The following ZNRF2 variants were observed in gnomAD, a reference collection of about 807,000 sequenced individuals.
ZNRF2 encodes zinc and ring finger 2, also known as E3 ubiquitin-protein ligase ZNRF2.
ZNRF2 carries 16 observed loss-of-function variants against 20.4 expected under a neutral mutation model. The ratio of observed to expected loss-of-function variants is 0.79; its 90% confidence interval spans 0.53 to 1.19. ZNRF2 has a LOEUF of 1.19. Among genes scored for constraint, ZNRF2 ranks in the 50% most tolerant of loss-of-function variants. The pLI, the probability that ZNRF2 is intolerant of heterozygous loss-of-function variation, is 0.00. For missense variants in ZNRF2, 363 were observed against 332.4 expected (o/e 1.09, Z -0.72); for synonymous variants, 178 against 144.9 (o/e 1.23, Z -1.64).
At chr7:30,323,523 G>A (rs1349167104) in intron 1 of ZNRF2, 119 bp from the exon 2 acceptor site, 6 of 601,230 alleles carry the variant, frequency 1.0e-5, no homozygotes, top group Non-Finnish European at 1.7e-5. Context: ...CACATAAACA[G>A]TGTAATGCAG....
chr7:30,288,116 CTCA>C (rs933232736), intron 1 of ZNRF2, among the ~76,000 whole-genome samples: 1 of 152,234 alleles, frequency 6.6e-6, no homozygotes, highest in African/African-American at 2.4e-5. Context: ...AAGCATGTTT[CTCA>C]TCATCTTGAG....
intron 2 of ZNRF2, among the ~76,000 whole-genome samples, chr7:30,335,556 CAT>C (rs199583544): frequency 7.2e-5 from 11 of 151,762 alleles, no homozygotes; most frequent in African/African-American, 2.2e-4. Context: ...TTATTATATA[CAT>C]ATATATATAC....
chr7:30,311,607 G>A (rs1020124981), intron 1 of ZNRF2, among the ~76,000 whole-genome samples: 1 of 152,190 alleles, frequency 6.6e-6, no homozygotes, highest in Non-Finnish European at 1.5e-5. Flanking sequence ...GGGTTCTAGG[G>A]TAGTTGTAGG....
chr7:30,330,777 A>G (rs1322049391), intron 2 of ZNRF2, among the ~76,000 whole-genome samples: 2 of 152,130 alleles, frequency 1.3e-5, no homozygotes, highest in African/African-American at 2.4e-5. Flanking sequence ...GTTAAAAAAA[A>G]AAAGAAAACT....
intron 2 of ZNRF2, among the ~76,000 whole-genome samples, chr7:30,348,314 G>T (rs1351246212): frequency 6.6e-6 from 1 of 152,130 alleles, no homozygotes; most frequent in African/African-American, 2.4e-5. Context: ...TTGTTGCTTG[G>T]TGTTTTCCTT....
At chr7:30,361,259 CA>C in intron 3 of ZNRF2, among the ~76,000 whole-genome samples, 1 of 152,304 alleles carries the variant, frequency 6.6e-6, no homozygotes, top group East Asian at 1.9e-4. Flanking sequence ...TGTCTTAAGC[CA>C]AACTGGCTAT....
intron 2 of ZNRF2, among the ~76,000 whole-genome samples, chr7:30,344,181 C>G (rs1308762113): frequency 6.6e-6 from 1 of 151,450 alleles, no homozygotes; most frequent in East Asian, 1.9e-4. Flanking sequence ...CTTGGCCTCC[C>G]AGAGTGCTGG....
At chr7:30,290,508 C>T (rs1583562935) in intron 1 of ZNRF2, among the ~76,000 whole-genome samples, 1 of 152,166 alleles carries the variant, frequency 6.6e-6, no homozygotes, top group Non-Finnish European at 1.5e-5. Context: ...TTCCTTGTGT[C>T]TGTTAGGTTC....
At chr7:30,296,861 A>G (rs1432808400) in intron 1 of ZNRF2, among the ~76,000 whole-genome samples, 1 of 152,216 alleles carries the variant, frequency 6.6e-6, no homozygotes, top group African/African-American at 2.4e-5. Context: ...GTGTTAGGAA[A>G]GTTACTTCAT....
chr7:30,364,907 G>A (rs1800185061), intron 4 of ZNRF2, among the ~76,000 whole-genome samples: 1 of 152,118 alleles, frequency 6.6e-6, no homozygotes, highest in Non-Finnish European at 1.5e-5. Flanking sequence ...CCAGCCAGTA[G>A]ATCTGGTGTC....
At position 30,285,052 on chromosome 7, in the gene ZNRF2, C is replaced by T. The variant is rs940868279; in HGVS notation, c.-306C>T. 7 of 407,458 alleles carry T rather than the reference C, an allele frequency of 1.7e-5. No individual in the cohort carries two copies. Among genetic ancestry groups the T allele is most frequent in the Non-Finnish European group, 2.4e-5 (5 of 206,626 alleles). 25.2% of individuals were successfully genotyped at this position (407,458 alleles called of 1,614,324 possible). ...CACCAGAACCGAAACCAGCGGCAGC[C>T]GCACGGCCACTTGAGCCGCCCCTTC... is the stretch of plus-strand genomic sequence containing the variant. On this transcript the variant is annotated 5_prime_UTR_variant, in exon 1 of 5. Transcript: ENST00000323037.
At chr7:30,338,336 A>ATAGG in intron 2 of ZNRF2, among the ~76,000 whole-genome samples, 1 of 151,330 alleles carries the variant, frequency 6.6e-6, no homozygotes, top group East Asian at 1.9e-4. Context: ...GGTTTGTTAC[A>ATAGG]TAGGTATACA....
At chr7:30,310,018 A>C (rs1799268171) in intron 1 of ZNRF2, among the ~76,000 whole-genome samples, 1 of 152,172 alleles carries the variant, frequency 6.6e-6, no homozygotes, top group Non-Finnish European at 1.5e-5. Flanking sequence ...AGTTTGGGGA[A>C]GGGTGAGGTC....
intron 1 of ZNRF2, among the ~76,000 whole-genome samples, chr7:30,321,261 C>T (rs188909806): frequency 6.6e-6 from 1 of 152,108 alleles, no homozygotes; most frequent in African/African-American, 2.4e-5. Context: ...TAGATTTTAG[C>T]CTCATGTATC....
At chr7:30,304,103 A>G (rs908191793) in intron 1 of ZNRF2, among the ~76,000 whole-genome samples, 1 of 152,074 alleles carries the variant, frequency 6.6e-6, no homozygotes, top group Non-Finnish European at 1.5e-5. Flanking sequence ...TGAAGTCATA[A>G]CCCTTTGAGG....
intron 3 of ZNRF2, among the ~76,000 whole-genome samples, chr7:30,358,287 C>T (rs1430836565): frequency 6.6e-6 from 1 of 152,138 alleles, no homozygotes; most frequent in Non-Finnish European, 1.5e-5. Context: ...AAGGAAATAT[C>T]TCTTAAACTA....
chr7:30,353,905 G>A (rs764020085), intron 2 of ZNRF2, among the ~76,000 whole-genome samples: 7 of 152,088 alleles, frequency 4.6e-5, no homozygotes, highest in Non-Finnish European at 8.8e-5. Context: ...GAAAAAATAC[G>A]TAAGTGGTGA....
At chr7:30,359,637 C>CTT (rs1425092786) in intron 3 of ZNRF2, among the ~76,000 whole-genome samples, 1 of 152,184 alleles carries the variant, frequency 6.6e-6, no homozygotes, top group African/African-American at 2.4e-5. Context: ...AGACCATGGG[C>CTT]TTTGCTGTGG....
chr7:30,314,924 C>T (rs1197824207), intron 1 of ZNRF2, among the ~76,000 whole-genome samples: 4 of 152,058 alleles, frequency 2.6e-5, no homozygotes, highest in South Asian at 2.1e-4. Flanking sequence ...TCACACCATT[C>T]TCCTGCCTCA....
Sources: gnomAD v4.1 joint callset for allele counts (sites outside exome capture counted in the v4.1 genomes callset) on GRCh38, gnomAD v4.1.1 for gene constraint, MANE v1.5 for transcripts, NCBI Gene and HGNC (gene_info 2026-07-23, HGNC 2026-07-21) for gene names.